ZDHHC24: variants seen among roughly 807,000 people sequenced by gnomAD.
The protein encoded by ZDHHC24 is probable palmitoyltransferase ZDHHC24.
Under a neutral mutation model 23.2 loss-of-function variants are expected in ZDHHC24, and 17 were observed. That is an observed-to-expected ratio of 0.73 (90% CI 0.50 to 1.10). The LOEUF is 1.10. Among genes scored for constraint, ZDHHC24 ranks in the 50% least tolerant of loss-of-function variants. The pLI, the probability that ZDHHC24 is intolerant of heterozygous loss-of-function variation, is 0.00. For missense variants in ZDHHC24, 366 were observed against 393.0 expected, an observed-to-expected ratio of 0.93 and a Z score of 0.58; for synonymous variants, 186 against 194.5, an observed-to-expected ratio of 0.96 and a Z score of 0.36.
rs537793357 is a variant in ZDHHC24 at position 66,525,056 on chromosome 11, C to A, written c.*21+1880G>T. On this transcript the variant is annotated intron_variant, in intron 4 of 4. Coordinates refer to the ZDHHC24 transcript ENST00000526986. ...TCTACTAAAAATACAAAAAATTAGC[C>A]GGGCATGGTGGCAGGTGCCTGTAGT... Among the ~76,000 whole-genome samples, 6 of 152,166 alleles carry A rather than the reference C, an allele frequency of 3.9e-5. No homozygotes were observed. In the South Asian group the frequency reaches 1.2e-3, roughly 32 times the overall value.
chr11:66,533,482 A>G (rs1856862797), downstream of ZDHHC24: 1 of 152,092 alleles, frequency 6.6e-6, no homozygotes, highest in African/African-American at 2.4e-5. Flanking sequence ...TTTGTCAGCA[A>G]CCCTCCCCCA....
At position 66,543,992 on chromosome 11, in the gene ZDHHC24, G is replaced by A. The variant is rs745742648; in HGVS notation, c.282-11C>T. 1.2e-6 allele frequency: 2 copies of A among 1,611,294 alleles called. No homozygotes were observed. ...CATTGGTAGCAGTAACTGCAGGAAG[G>A]AACCACAGCGTCAGTTCCCCCAGCA... On this transcript the variant is annotated splice_polypyrimidine_tract_variant and intron_variant, in intron 1 of 2. Coordinates refer to ENST00000310442, the MANE Select transcript of ZDHHC24 (RefSeq NM_207340.3).
At position 66,543,740 on chromosome 11, in the gene ZDHHC24, C is replaced by G; in HGVS notation, c.523G>C (p.Ala175Pro). Reference protein sequence around the residue: ...LRAHTPLHMAALLLLPWLMLL... With the variant: ...LRAHTPLHMAPLLLLPWLMLL... Reference sequence around the variant, plus strand: ...ATGAGCCAGGGAAGCAGGAGGAGGGCAGCCATGTGGAGGGGCGTGTGGGCT... The same window carrying G: ...ATGAGCCAGGGAAGCAGGAGGAGGGGAGCCATGTGGAGGGGCGTGTGGGCT... Residue 175 changes from alanine to proline, a missense_variant, in exon 2 of 3, where the codon GCC becomes CCC. By Grantham distance (27) the Ala-to-Pro change is conservative. Transcript: ENST00000310442. 3 of 1,601,254 alleles carry G rather than the reference C, an allele frequency of 1.9e-6. 1 individual carries two copies.
At chr11:66,542,987 C>G (rs1488905402) in intron 2 of ZDHHC24, among the ~76,000 whole-genome samples, 3 of 152,168 alleles carry the variant, frequency 2.0e-5, no homozygotes, top group African/African-American at 7.2e-5. Context: ...AGTGACTACC[C>G]GGAGTAGCCG....
chr11:66,522,621 C>G (rs1256627079), intron 4 of ZDHHC24, among the ~76,000 whole-genome samples: 1 of 152,160 alleles, frequency 6.6e-6, no homozygotes, highest in African/African-American at 2.4e-5. Flanking sequence ...GCCGGGATTA[C>G]AGTCATAAGC....
chr11:66,529,354 G>T, exon 3 of ZDHHC24: 1 of 1,512,660 alleles, frequency 6.6e-7, no homozygotes, highest in African/African-American at 1.4e-5. Context: ...GGTGTTGATG[G>T]GACCTCCCTG....
At position 66,545,586 on chromosome 11, in the gene ZDHHC24, T is replaced by C; in HGVS notation, c.281+137A>G. 1 of 1,049,298 alleles carries C rather than the reference T, an allele frequency of 9.5e-7. No individual in the cohort carries two copies. The highest frequency in any genetic ancestry group is 1.3e-6 in the Non-Finnish European group (1 of 764,022). 65.0% of individuals were successfully genotyped at this position (1,049,298 alleles called of 1,614,324 possible). On this transcript the variant is annotated intron_variant, in intron 1 of 2. Transcript: ENST00000310442. This position sits in a 1 kb window ranked among gnomAD's most constrained non-coding sequence, Gnocchi z 4.5. Reference sequence around the variant, plus strand: ...ATAACACTCAATTCTAGCTCTTCCATCCCAGGTTCTAAAAAAATGTCTGAT... The same window carrying C: ...ATAACACTCAATTCTAGCTCTTCCACCCCAGGTTCTAAAAAAATGTCTGAT...
In ZDHHC24 at chr11:66,545,644, C is replaced by A; in HGVS notation, c.281+79G>T. 7.2e-7 allele frequency: 1 copy of A among 1,383,294 alleles called. No homozygotes were observed. The highest frequency in any genetic ancestry group is 9.4e-7 in the Non-Finnish European group (1 of 1,063,996). 85.7% of individuals were successfully genotyped at this position (1,383,294 alleles called of 1,614,324 possible). A position where few individuals can be genotyped will look rare whatever the true frequency, so the allele number is the denominator to read the frequency against. On this transcript the variant is annotated intron_variant, in intron 1 of 2. Coordinates refer to ENST00000310442, the MANE Select transcript of ZDHHC24 (RefSeq NM_207340.3). The surrounding 1 kb of genome is among the most constrained non-coding windows in gnomAD (Gnocchi z 4.5). ...ACCTGGATCCTAATGTAACCCGGTTCTAACATCTCAGGTCTTGGGGCCCCT... is the reference window on the plus strand; with the variant it reads ...ACCTGGATCCTAATGTAACCCGGTTATAACATCTCAGGTCTTGGGGCCCCT...
intron 3 of ZDHHC24, chr11:66,527,706 C>T (rs1239550329): frequency 6.6e-6 from 1 of 151,460 alleles, no homozygotes; most frequent in Non-Finnish European, 1.5e-5. Context: ...AAATAATAGT[C>T]CCTACCTTAG....
chr11:66,541,798 C>G (rs3867132), intron 2 of ZDHHC24, among the ~76,000 whole-genome samples: 2 of 151,902 alleles, frequency 1.3e-5, no homozygotes, highest in Non-Finnish European at 2.9e-5. Context: ...AGAAAGGGTC[C>G]TGGAGTGTGT....
downstream of ZDHHC24, chr11:66,532,884 C>T (rs1856841669): frequency 6.6e-6 from 1 of 152,500 alleles, no homozygotes; most frequent in Non-Finnish European, 1.5e-5. Context: ...CAGAGAAGTG[C>T]CACGGGAGGC....
At chr11:66,532,751 A>G (rs1041826970), downstream of ZDHHC24, 4 of 152,476 alleles carry the variant, frequency 2.6e-5, no homozygotes, top group Non-Finnish European at 5.9e-5. Context: ...GCTCCTAAAG[A>G]TCACACAGCA....
intron 2 of ZDHHC24, 45 bp from the exon 3 acceptor site, chr11:66,539,869 C>T (rs370402441): frequency 6.7e-6 from 10 of 1,486,636 alleles, no homozygotes; most frequent in Middle Eastern, 2.4e-4. Context: ...CAGTGGGGTC[C>T]GGCTTTCCTG....
chr11:66,540,948 T>G (rs1406857990), intron 2 of ZDHHC24, among the ~76,000 whole-genome samples: 1 of 151,958 alleles, frequency 6.6e-6, no homozygotes, highest in Non-Finnish European at 1.5e-5. Flanking sequence ...ACAGAAAGAT[T>G]AGTGGTTGCC....
chr11:66,523,234 A>C (rs542059734), intron 4 of ZDHHC24: 3 of 671,924 alleles, frequency 4.5e-6, no homozygotes, highest in Admixed American at 4.1e-5. Context: ...TGAAGGTGGG[A>C]GGAAGACAAG....
At chr11:66,534,076 G>A (rs1370975465), downstream of ZDHHC24, among the ~76,000 whole-genome samples, 1 of 152,004 alleles carries the variant, frequency 6.6e-6, no homozygotes, top group East Asian at 1.9e-4. Context: ...GGCTGAGGCA[G>A]GAGAATCGCT....
In ZDHHC24 at chr11:66,539,045, G is replaced by T; in HGVS notation, c.*484C>A. ...CTTCTAACTATAAAATGCCAAACCT[G>T]GGAAAGAATGTTTGGATTCTCATAG... On this transcript the variant is annotated 3_prime_UTR_variant, in exon 3 of 3. Transcript: ENST00000310442. 5.6e-6 allele frequency: 1 copy of T among 178,420 alleles called. No individual in the cohort carries two copies. Among genetic ancestry groups the T allele is most frequent in the Non-Finnish European group, 1.1e-5 (1 of 91,662 alleles). 11.1% of individuals were successfully genotyped at this position (178,420 alleles called of 1,614,324 possible).
chr11:66,523,465 G>C lies in ZDHHC24; in HGVS notation c.*22-1999C>G, dbSNP rs780169168. 30 of 1,614,010 alleles carry C rather than the reference G, an allele frequency of 1.9e-5. No homozygotes were observed. In the East Asian group the frequency reaches 6.7e-4, roughly 36 times the overall value. ...GTTGTTTATTCCACAGAGACTCCAA[G>C]CACCCCAAGTACTGCATCGAGCTGA... On this transcript the variant is annotated intron_variant, in intron 4 of 4. Coordinates refer to the ZDHHC24 transcript ENST00000526986.
intron 4 of ZDHHC24, chr11:66,526,787 GAGAGCGGGAGGC>G: frequency 6.2e-7 from 1 of 1,614,224 alleles, no homozygotes. Context: ...CAGACACTGC[GAGAGCGGGAGGC>G]TGGCACCGGT....
Sources: gnomAD v4.1 joint callset for allele counts (sites outside exome capture counted in the v4.1 genomes callset) on GRCh38, gnomAD v4.1.1 for gene constraint, Gnocchi (gnomAD v3.1) non-coding constraint, MANE v1.5 for transcripts, NCBI Gene and HGNC (gene_info 2026-07-23, HGNC 2026-07-21) for gene names.